CACNA1H: variants seen among roughly 807,000 people sequenced by gnomAD.
CACNA1H encodes voltage-dependent T-type calcium channel subunit alpha-1H.
Under a neutral mutation model 192.5 loss-of-function variants are expected in CACNA1H, and 149 were observed. The observed-to-expected ratio is 0.77, with a 90% confidence interval of 0.68 to 0.89. The LOEUF is 0.89. Ranked by LOEUF, CACNA1H falls within the 40% of genes least tolerant of loss-of-function variation. The probability of loss-of-function intolerance (pLI) is 0.00; values close to 1 mark genes in which losing one functional copy is unlikely to be tolerated. For synonymous variants in CACNA1H, 2,202 were observed against 1,475.2 expected (o/e 1.49, Z -11.29); for missense variants, 4,257 against 3,423.5 (o/e 1.24, Z -6.08).
At chr16:1,210,342 C>CCCCCCGA in intron 18 of CACNA1H, 28 bp from the exon 19 acceptor site, 7 of 999,084 alleles carry the variant, frequency 7.0e-6, no homozygotes, top group Middle Eastern at 2.5e-4. Flanking sequence ...CGCCCCGCCC[C>CCCCCCGA]ACCTCTCACC....
At chr16:1,206,593 G>A (rs1044440610) in intron 12 of CACNA1H, 2 of 472,866 alleles carry the variant, frequency 4.2e-6, no homozygotes, top group Non-Finnish European at 7.6e-6. Flanking sequence ...CTCCAACTGG[G>A]GTGTTCTGAG....
At chr16:1,190,806 C>T (rs965580515) in intron 2 of CACNA1H, among the ~76,000 whole-genome samples, 5 of 152,076 alleles carry the variant, frequency 3.3e-5, no homozygotes, top group African/African-American at 1.2e-4. Flanking sequence ...TGGGTAGGGG[C>T]CCTGCAGACC....
chr16:1,185,577 T>G (rs1337739551), intron 2 of CACNA1H, among the ~76,000 whole-genome samples: 1 of 7,020 alleles, frequency 1.4e-4, no homozygotes, highest in Non-Finnish European at 1.5e-3. Context: ...CGGGGGTCCA[T>G]GGCGGGTGAG....
chr16:1,184,209 C>T (rs931410622), intron 2 of CACNA1H, among the ~76,000 whole-genome samples: 1 of 152,250 alleles, frequency 6.6e-6, no homozygotes, highest in Non-Finnish European at 1.5e-5. Flanking sequence ...ATGCATGGGG[C>T]CCCTCCCCGA....
chr16:1,196,675 G>A (rs1967016657), intron 5 of CACNA1H, among the ~76,000 whole-genome samples: 1 of 152,208 alleles, frequency 6.6e-6, no homozygotes, highest in African/African-American at 2.4e-5. Context: ...GTGTGAGGAG[G>A]GGGCCTGGTG....
rs35482321 is a variant in CACNA1H at position 1,205,832 on chromosome 16, C to T, written c.2604-272C>T. On this transcript the variant is annotated intron_variant, in intron 11 of 34. Transcript: ENST00000348261. Reference sequence around the variant, plus strand: ...AAGGCCCAGGATAGGAGAGCGCCCTCGGCGAAGGAGCTTCCCTGCCCTGGC... The same window carrying T: ...AAGGCCCAGGATAGGAGAGCGCCCTTGGCGAAGGAGCTTCCCTGCCCTGGC... 0.22 allele frequency among the ~76,000 whole-genome samples: 32,892 copies of T among 152,222 alleles called. 4,573 individuals carry two copies. Among genetic ancestry groups the T allele is most frequent in the Non-Finnish European group, 0.31 (21,263 of 67,970 alleles).
chr16:1,201,968 G>T lies in CACNA1H; in HGVS notation c.1518G>T (p.Arg506=). 6.5e-7 allele frequency: 1 copy of T among 1,544,178 alleles called. No homozygotes were observed. The part of the protein sequence containing the change: ...QGQGPGHRQR[R]AGRHTASVHH... ...AGGGTCCCGGGCACCGCCAGCGCCG[G>T]GCAGGCAGGCACACAGCCTCGGTGC... Residue 506 remains arginine (R), a synonymous_variant, in exon 9 of 35, where the codon CGG becomes CGT. Coordinates refer to ENST00000348261, the MANE Select transcript of CACNA1H (RefSeq NM_021098.3).
chr16:1,171,306 C>T (rs1398925263), intron 2 of CACNA1H, among the ~76,000 whole-genome samples: 1 of 152,146 alleles, frequency 6.6e-6, no homozygotes. Context: ...GATCGTGGGG[C>T]TTTGGGGCTG....
intron 2 of CACNA1H, among the ~76,000 whole-genome samples, chr16:1,184,549 C>T (rs1233007768): frequency 1.3e-5 from 2 of 152,264 alleles, no homozygotes; most frequent in Admixed American, 6.5e-5. Context: ...GCCGCATCAG[C>T]CTCCAGGCAT....
rs1282383838 is a variant in CACNA1H, at chr16:1,210,979, GC to G, written c.4223+9del. The G allele has an allele frequency of 1.9e-6, 3 of 1,591,280 alleles. No homozygotes were observed. Among genetic ancestry groups the G allele is most frequent in the Admixed American group, 1.7e-5 (1 of 59,778 alleles). On this transcript the variant is annotated intron_variant, in intron 21 of 34. Coordinates refer to ENST00000348261, the MANE Select transcript of CACNA1H (RefSeq NM_021098.3). ...GACCCTGCGGCCTCTGAGGTGGGGG[GC>G]TCCCCGTGGGCTCCCGGGGCAACCT...
intron 6 of CACNA1H, among the ~76,000 whole-genome samples, chr16:1,199,509 C>T (rs1437240863): frequency 6.7e-6 from 1 of 148,738 alleles, no homozygotes; most frequent in African/African-American, 2.5e-5. Context: ...ACATATGTCC[C>T]ACCCCCAGTG....
intron 2 of CACNA1H, among the ~76,000 whole-genome samples, chr16:1,184,992 G>C (rs1264820746): frequency 6.6e-6 from 1 of 152,168 alleles, no homozygotes; most frequent in Non-Finnish European, 1.5e-5. Flanking sequence ...GCCTAGTTCT[G>C]GAATGTTTCC....
rs1312911852 is a variant in CACNA1H at position 1,202,115 on chromosome 16, G to GC, written c.1671dup (p.Ser558LeufsTer98). 1.3e-6 allele frequency: 2 copies of GC among 1,546,058 alleles called. No individual in the cohort carries two copies. The highest frequency in any genetic ancestry group is 1.4e-5 in the African/African-American group (1 of 72,972). The stretch of plus-strand genomic sequence containing the variant: ...ACACCAGGCTGGTCCGAGCTGGCGC[G>GC]CCCCCCTCGCCACCTTCCCCAGGCC... On this transcript the variant is annotated frameshift_variant, in exon 9 of 35. Transcript: ENST00000348261. LOFTEE classifies it high-confidence loss of function.
chr16:1,199,704 G>A (rs1421857671), intron 6 of CACNA1H, among the ~76,000 whole-genome samples: 1 of 144,208 alleles, frequency 6.9e-6, no homozygotes, highest in East Asian at 2.1e-4. Flanking sequence ...TCACCCCCGA[G>A]TCTCCCCTCA....
chr16:1,154,899 C>T (rs988284372), intron 2 of CACNA1H, among the ~76,000 whole-genome samples: 11 of 152,258 alleles, frequency 7.2e-5, no homozygotes, highest in African/African-American at 2.4e-4. Flanking sequence ...AAGGGCCTTG[C>T]GTGGTGCCTG....
chr16:1,194,887 T>C (rs3751661), intron 2 of CACNA1H, 85 bp from the exon 3 acceptor site: 1 of 992,334 alleles, frequency 1.0e-6, no homozygotes, highest in South Asian at 1.3e-5. Flanking sequence ...GTGGCGGGGC[T>C]CCGGCTGACC....
intron 9 of CACNA1H, among the ~76,000 whole-genome samples, chr16:1,203,111 C>T (rs950624736): frequency 2.6e-5 from 4 of 151,072 alleles, no homozygotes; most frequent in Non-Finnish European, 3.0e-5. Context: ...GCGAGGGTGC[C>T]GAGGGTGCCG....
intron 2 of CACNA1H, among the ~76,000 whole-genome samples, chr16:1,191,401 G>C (rs1201837780): frequency 2.2e-5 from 1 of 45,128 alleles, no homozygotes; most frequent in Non-Finnish European, 3.8e-5. Flanking sequence ...TCGGGGTTTC[G>C]GTGACCCAGC....
At chr16:1,203,082 G>A (rs1755832869) in intron 9 of CACNA1H, among the ~76,000 whole-genome samples, 2 of 152,254 alleles carry the variant, frequency 1.3e-5, no homozygotes, top group African/African-American at 4.8e-5. Context: ...TGTGTCCCCC[G>A]TGGTGGGGAG....
Sources: allele counts gnomAD v4.1 joint callset (sites outside exome capture counted in the v4.1 genomes callset), GRCh38; gene constraint gnomAD v4.1.1; transcripts MANE v1.5; gene names NCBI Gene and HGNC (gene_info 2026-07-23, HGNC 2026-07-21).